Variants in MGMT observed in about 807,000 individuals in gnomAD.
MGMT encodes methylated-DNA--protein-cysteine methyltransferase.
Under a neutral mutation model 15.9 loss-of-function variants are expected in MGMT, and 14 were observed. The ratio of observed to expected loss-of-function variants is 0.88; its 90% CI spans 0.58 to 1.37. MGMT has a LOEUF of 1.37. Ranked by LOEUF, MGMT falls within the 40% of genes most tolerant of loss-of-function variation. The pLI, the probability that MGMT is intolerant of heterozygous loss-of-function variation, is 0.00. For missense variants in MGMT, 282 were observed against 268.1 expected (o/e 1.05, Z -0.36); for synonymous variants, 130 against 118.2 (o/e 1.10, Z -0.65).
chr10:129,641,445 A>G (rs571957772), intron 2 of MGMT, among the ~76,000 whole-genome samples: 16 of 152,328 alleles, frequency 1.1e-4, no homozygotes, highest in African/African-American at 3.6e-4. Flanking sequence ...TCTGAAATCT[A>G]TGTGGAAATT....
chr10:129,542,370 C>T (rs575858352), intron 2 of MGMT, among the ~76,000 whole-genome samples: 2 of 152,228 alleles, frequency 1.3e-5, no homozygotes, highest in Non-Finnish European at 2.9e-5. Context: ...GCCATGAGAA[C>T]CTTCCTGGGA....
intron 3 of MGMT, among the ~76,000 whole-genome samples, chr10:129,734,905 T>A (rs1848542741): frequency 6.6e-6 from 1 of 152,236 alleles, no homozygotes; most frequent in Admixed American, 6.5e-5. Context: ...ATCCCAGGGA[T>A]GAAGCCCACT....
At chr10:129,517,904 C>G (rs1005876352) in intron 1 of MGMT, among the ~76,000 whole-genome samples, 6 of 152,342 alleles carry the variant, frequency 3.9e-5, no homozygotes, top group African/African-American at 1.2e-4. Flanking sequence ...CCCCAGTTCC[C>G]TACCATGATG....
At chr10:129,531,136 G>A (rs549537580) in intron 1 of MGMT, among the ~76,000 whole-genome samples, 3 of 152,202 alleles carry the variant, frequency 2.0e-5, no homozygotes, top group South Asian at 2.1e-4. Flanking sequence ...GGCCTCCCCC[G>A]TTGAATGGCC....
chr10:129,583,338 T>G (rs1342236009), intron 2 of MGMT, among the ~76,000 whole-genome samples: 1 of 152,262 alleles, frequency 6.6e-6, no homozygotes, highest in Non-Finnish European at 1.5e-5. Flanking sequence ...TCATTGTTTT[T>G]AGAGGTAATC....
At chr10:129,486,056 GC>G (rs1554902559) in intron 1 of MGMT, among the ~76,000 whole-genome samples, 2 of 151,978 alleles carry the variant, frequency 1.3e-5, no homozygotes, top group African/African-American at 4.8e-5. Flanking sequence ...TAGATAGATA[GC>G]CTTTTTAATT....
Position 129,664,058 on chromosome 10 carries a change from A to G in MGMT, c.126-43837A>G, listed in dbSNP as rs74501311. 5.1e-3 allele frequency among the ~76,000 whole-genome samples: 770 copies of G among 152,344 alleles called. 9 individuals are homozygous for G. Among genetic ancestry groups the G allele is most frequent in the African/African-American group, 0.018 (748 of 41,570 alleles). On this transcript the variant is annotated intron_variant, in intron 2 of 4. Transcript: ENST00000651593. ...ATGGAAATATTGATGCAGAAATCCC[A>G]ATGAATATTAGTGAATAGATTCCGA... is the stretch of plus-strand genomic sequence containing the variant.
intron 2 of MGMT, among the ~76,000 whole-genome samples, chr10:129,567,451 T>TGG (rs980320139): frequency 6.6e-6 from 1 of 152,052 alleles, no homozygotes; most frequent in African/African-American, 2.4e-5. Context: ...CTGGAAACCC[T>TGG]GGGAGGGGTC....
rs1366976763 is a variant in MGMT, at chr10:129,759,192, T to G, written c.275-10T>G. ...GTCCAAATAACATTATCCTGCATTC[T>G]TCCTTTCAGAGTCGTTCACCAGACA... On this transcript the variant is annotated splice_polypyrimidine_tract_variant and intron_variant, in intron 3 of 4. Coordinates refer to ENST00000651593, the MANE Select transcript of MGMT (RefSeq NM_002412.5). The G allele has an allele frequency of 2.2e-5, 36 of 1,614,064 alleles. No homozygotes were observed. The highest frequency in any genetic ancestry group is 3.1e-5 in the Non-Finnish European group (36 of 1,180,028).
At chr10:129,762,952 A>G (rs967942531) in intron 4 of MGMT, among the ~76,000 whole-genome samples, 2 of 152,114 alleles carry the variant, frequency 1.3e-5, no homozygotes, top group Non-Finnish European at 2.9e-5. Flanking sequence ...GAGTGAAAAC[A>G]AGCTCTTTCC....
At chr10:129,676,496 C>T (rs1397931339) in intron 2 of MGMT, among the ~76,000 whole-genome samples, 5 of 152,132 alleles carry the variant, frequency 3.3e-5, no homozygotes, top group Admixed American at 6.5e-5. Flanking sequence ...GCGTACTCTG[C>T]GAGGGTCCCT....
intron 2 of MGMT, among the ~76,000 whole-genome samples, chr10:129,554,951 C>T (rs1361882111): frequency 6.6e-6 from 1 of 152,164 alleles, no homozygotes; most frequent in African/African-American, 2.4e-5. Context: ...TCAGTTTCCC[C>T]AGGTATCACA....
chr10:129,614,771 C>T (rs1197492802), intron 2 of MGMT, among the ~76,000 whole-genome samples: 1 of 152,006 alleles, frequency 6.6e-6, no homozygotes. Context: ...AAGTTTGAAG[C>T]CTTGGTTGGG....
At position 129,766,799 on chromosome 10, in the gene MGMT, C is replaced by T. The variant is rs773580543; in HGVS notation, c.426C>T (p.Leu142=). The T allele has an allele frequency of 4.3e-6, 7 of 1,612,858 alleles. No homozygotes were observed. Among genetic ancestry groups the T allele is most frequent in the Admixed American group, 3.3e-5 (2 of 60,004 alleles). The change falls in exon 5 of 5, where the codon CTC becomes CTT. Residue 142 remains leucine (L), a synonymous_variant. Coordinates refer to ENST00000651593, the MANE Select transcript of MGMT (RefSeq NM_002412.5). The part of the protein sequence containing the change: ...GAMRGNPVPI[L]IPCHRVVCSS... ...CCCCTGTCTTCCAGGTCCCCATCCT[C>T]ATCCCGTGCCACAGAGTGGTCTGCA...
intron 2 of MGMT, among the ~76,000 whole-genome samples, chr10:129,678,293 C>T (rs1847808506): frequency 6.6e-6 from 1 of 152,132 alleles, no homozygotes; most frequent in African/African-American, 2.4e-5. Flanking sequence ...CTTTCAGTTC[C>T]TGCAGGTGCA....
intron 3 of MGMT, 39 bp from the exon 4 acceptor site, chr10:129,759,163 G>T: frequency 6.2e-7 from 1 of 1,611,614 alleles, no homozygotes; most frequent in Non-Finnish European, 8.5e-7. Context: ...TGCTGAAGCC[G>T]TTTGTCCAAA....
chr10:129,759,389 G>T, intron 4 of MGMT, 48 bp downstream of exon 4: 1 of 1,612,166 alleles, frequency 6.2e-7, no homozygotes, highest in South Asian at 1.1e-5. Context: ...GGTGCGTGCA[G>T]GTGGCAGGGT....
chr10:129,646,739 TATATATATA>T (rs1330248627), intron 2 of MGMT, among the ~76,000 whole-genome samples: 2 of 107,366 alleles, frequency 1.9e-5, no homozygotes, highest in Non-Finnish European at 4.0e-5. Context: ...TATATATATA[TATATATATA>T]TATATATTTT....
intron 2 of MGMT, among the ~76,000 whole-genome samples, chr10:129,678,281 C>T (rs1274089816): frequency 7.9e-6 from 1 of 126,096 alleles, no homozygotes; most frequent in Non-Finnish European, 1.9e-5. Context: ...TTTGTTTCTG[C>T]ACTTTCAGTT....
Sources: allele counts gnomAD v4.1 joint callset (sites outside exome capture counted in the v4.1 genomes callset), GRCh38; gene constraint gnomAD v4.1.1; transcripts MANE v1.5; gene names NCBI Gene and HGNC (gene_info 2026-07-23, HGNC 2026-07-21).